Variants in CHP1 observed in about 807,000 individuals in gnomAD.
CHP1 encodes calcineurin like EF-hand protein 1.
A neutral mutation model predicts 27.4 loss-of-function variants in CHP1; 11 were observed. That is an observed-to-expected ratio of 0.40 (90% CI 0.25 to 0.67). The LOEUF (loss-of-function observed/expected upper bound fraction) is 0.67. Among genes scored for constraint, CHP1 ranks in the 30% least tolerant of loss-of-function variants. The pLI, the probability that CHP1 is intolerant of heterozygous loss-of-function variation, is 0.38. For missense variants in CHP1, 169 were observed against 251.3 expected (o/e 0.67, Z 2.22); for synonymous variants, 89 against 87.4 (o/e 1.02, Z -0.10).
At chr15:41,264,088 T>C in intron 4 of CHP1, 1 of 731,276 alleles carries the variant, frequency 1.4e-6, no homozygotes, top group Non-Finnish European at 2.0e-6. Context: ...TAGTCTGTTT[T>C]ATCCTAAAGT....
At chr15:41,244,762 A>T (rs1224859405) in intron 2 of CHP1, among the ~76,000 whole-genome samples, 1 of 152,158 alleles carries the variant, frequency 6.6e-6, no homozygotes, top group African/African-American at 2.4e-5. Flanking sequence ...ATATTGTTTT[A>T]TGTTTGTAAT....
At chr15:41,251,595 G>T (rs1019759339) in intron 2 of CHP1, among the ~76,000 whole-genome samples, 2 of 152,038 alleles carry the variant, frequency 1.3e-5, no homozygotes, top group Non-Finnish European at 2.9e-5. Context: ...GATCAGTGGC[G>T]GCACTAGATT....
At chr15:41,243,596 A>G (rs1164332936) in intron 1 of CHP1, 71 bp from the exon 2 acceptor site, 1 of 1,219,584 alleles carries the variant, frequency 8.2e-7, no homozygotes, top group Non-Finnish European at 1.2e-6. Context: ...GAAGCATTTG[A>G]CAGCGAGGGG....
At chr15:41,278,566 C>T (rs1240699469) in intron 5 of CHP1, among the ~76,000 whole-genome samples, 1 of 152,134 alleles carries the variant, frequency 6.6e-6, no homozygotes, top group Non-Finnish European at 1.5e-5. Context: ...TATGTGTTCT[C>T]ATCAAAATAC....
chr15:41,264,352 A>G (rs972726739), intron 4 of CHP1: 1 of 415,800 alleles, frequency 2.4e-6, no homozygotes, highest in Admixed American at 3.9e-5. Context: ...TGCTAAGGAA[A>G]AAGGTTGGAA....
At chr15:41,272,428 T>C (rs1595482439) in intron 5 of CHP1, 1 of 152,194 alleles carries the variant, frequency 6.6e-6, no homozygotes, top group Non-Finnish European at 1.5e-5. Context: ...TTGTTTTGTT[T>C]TGTTTTGTTT....
chr15:41,278,454 T>C (rs1208046628), intron 5 of CHP1, among the ~76,000 whole-genome samples: 2 of 152,134 alleles, frequency 1.3e-5, no homozygotes, highest in Non-Finnish European at 2.9e-5. Context: ...TCGCCACCCA[T>C]GTACTAAGCC....
At chr15:41,265,572 G>T (rs1217848381) in intron 4 of CHP1, among the ~76,000 whole-genome samples, 3 of 151,226 alleles carry the variant, frequency 2.0e-5, no homozygotes, top group African/African-American at 7.3e-5. Context: ...TTAGCTGGGC[G>T]TGGTGGCGGG....
chr15:41,271,311 C>T (rs1216015829), intron 5 of CHP1, among the ~76,000 whole-genome samples: 3 of 150,500 alleles, frequency 2.0e-5, no homozygotes, highest in Non-Finnish European at 4.4e-5. Flanking sequence ...GCCTGTAATC[C>T]CAGCTGCTCG....
At chr15:41,246,474 C>T (rs1019963893) in intron 2 of CHP1, among the ~76,000 whole-genome samples, 1 of 151,570 alleles carries the variant, frequency 6.6e-6, no homozygotes, top group African/African-American at 2.4e-5. Context: ...CGCATGACAC[C>T]ACGCCCTGCT....
rs559040364 is a variant in CHP1, at chr15:41,234,983, G to T, written c.67+3534G>T. ...ATAAGGAAATAAAATTTTTAAAGGA[G>T]TTTTTAACAGTTTATGAAACTGTTA... On this transcript the variant is annotated intron_variant, in intron 1 of 6. Coordinates refer to ENST00000334660, the MANE Select transcript of CHP1 (RefSeq NM_007236.5). Among the ~76,000 whole-genome samples the T allele has an allele frequency of 6.6e-5, 10 of 152,190 alleles. 1 individual carries two copies. The South Asian group carries it at 2.1e-3, about 32-fold the overall frequency.
At chr15:41,243,391 G>A (rs1343018441) in intron 1 of CHP1, among the ~76,000 whole-genome samples, 10 of 152,136 alleles carry the variant, frequency 6.6e-5, no homozygotes, top group Non-Finnish European at 1.3e-4. Flanking sequence ...GACAAAATTT[G>A]CCTTTGTTTT....
chr15:41,263,651 G>A (rs1013652382), intron 4 of CHP1, among the ~76,000 whole-genome samples: 13 of 152,212 alleles, frequency 8.5e-5, no homozygotes, highest in African/African-American at 2.9e-4. Context: ...AAGGTAGGTA[G>A]ATCACTTGAG....
intron 2 of CHP1, among the ~76,000 whole-genome samples, chr15:41,253,889 A>G (rs978016311): frequency 6.6e-6 from 1 of 151,446 alleles, no homozygotes; most frequent in African/African-American, 2.4e-5. Context: ...GGCTCAAACA[A>G]TCCTCCCGCT....
At chr15:41,238,903 G>A (rs2047292075) in intron 1 of CHP1, among the ~76,000 whole-genome samples, 3 of 152,092 alleles carry the variant, frequency 2.0e-5, no homozygotes, top group African/African-American at 7.2e-5. Context: ...GAGAGTAACT[G>A]TCAACTCCTG....
chr15:41,231,584 G>T, intron 1 of CHP1, 135 bp downstream of exon 1: 1 of 783,170 alleles, frequency 1.3e-6, no homozygotes, highest in Non-Finnish European at 2.1e-6. Flanking sequence ...TTTGGGGACC[G>T]AGAGCTGGAA....
intron 4 of CHP1, among the ~76,000 whole-genome samples, chr15:41,268,447 C>T (rs2047472621): frequency 6.6e-6 from 1 of 151,940 alleles, no homozygotes; most frequent in Admixed American, 6.6e-5. Flanking sequence ...GAGATCGAGA[C>T]CATCCTGGCC....
At chr15:41,279,210 C>CAAA (rs74265375) in intron 6 of CHP1, 126 bp from the exon 7 acceptor site, 284 of 595,090 alleles carry the variant, frequency 4.8e-4, no homozygotes, top group Middle Eastern at 6.5e-4. Context: ...ACTCTGCCTC[C>CAAA]AAAAAAAAAA....
At chr15:41,234,044 G>A (rs2047265242) in intron 1 of CHP1, 1 of 152,112 alleles carries the variant, frequency 6.6e-6, no homozygotes, top group Non-Finnish European at 1.5e-5. Flanking sequence ...TAAACTCCTG[G>A]GCTTAAGCCA....
Sources: gnomAD v4.1 joint callset for allele counts (sites outside exome capture counted in the v4.1 genomes callset) on GRCh38, gnomAD v4.1.1 for gene constraint, MANE v1.5 for transcripts, NCBI Gene and HGNC (gene_info 2026-07-23, HGNC 2026-07-21) for gene names.